NLRP2: variants seen among roughly 807,000 people sequenced by gnomAD.
The protein encoded by NLRP2 is NLR family pyrin domain containing 2.
A neutral mutation model predicts 97.2 loss-of-function variants in NLRP2; 107 were observed. The ratio of observed to expected loss-of-function variants is 1.10; its 90% CI spans 0.94 to 1.29. The LOEUF (loss-of-function observed/expected upper bound fraction) is 1.29. Ranked by LOEUF, NLRP2 falls within the 50% of genes most tolerant of loss-of-function variation. The probability of loss-of-function intolerance (pLI) is 0.00; values close to 1 mark genes in which losing one functional copy is unlikely to be tolerated. For missense variants in NLRP2, 1,495 were observed against 1,330.3 expected (o/e 1.12, Z -1.93); for synonymous variants, 663 against 551.5 (o/e 1.20, Z -2.83).
intron 2 of NLRP2, chr19:54,973,883 GT>G (rs1313087647): frequency 3.0e-6 from 2 of 667,384 alleles, no homozygotes; most frequent in Non-Finnish European, 5.6e-6. Flanking sequence ...CCCCCACAAA[GT>G]GACACAAGGC....
At chr19:54,979,978 T>C (rs1426418382) in intron 4 of NLRP2, among the ~76,000 whole-genome samples, 1 of 151,976 alleles carries the variant, frequency 6.6e-6, no homozygotes, top group Non-Finnish European at 1.5e-5. Flanking sequence ...GGTTTCACCG[T>C]GTTAGTCAGG....
intron 10 of NLRP2, chr19:54,993,825 C>A: frequency 3.6e-6 from 1 of 279,766 alleles, no homozygotes; most frequent in Non-Finnish European, 7.0e-6. Context: ...GCCACCGTGC[C>A]AGCTGAGAAT....
chr19:54,981,415 A>T (rs946206411), intron 4 of NLRP2, among the ~76,000 whole-genome samples: 2 of 151,534 alleles, frequency 1.3e-5, no homozygotes, highest in African/African-American at 4.9e-5. Context: ...GATCCACCCC[A>T]CCTCAGCCTC....
intron 2 of NLRP2, among the ~76,000 whole-genome samples, chr19:54,972,405 ACTC>A (rs1331312327): frequency 7.1e-6 from 1 of 140,436 alleles, no homozygotes; most frequent in East Asian, 2.2e-4. Context: ...CTGGTCTTGA[ACTC>A]CTGACCACGT....
intron 10 of NLRP2, chr19:54,991,680 CTGA>C (rs1219147578): frequency 6.6e-6 from 1 of 151,790 alleles, no homozygotes; most frequent in East Asian, 2.0e-4. Flanking sequence ...ACCAGCCTGG[CTGA>C]TGCAGTGAAA....
chr19:54,968,713 T>TTTTTTTTTTTTTTG (rs1454134577), intron 1 of NLRP2, among the ~76,000 whole-genome samples: 1 of 135,666 alleles, frequency 7.4e-6, no homozygotes, highest in Non-Finnish European at 1.6e-5. Context: ...TTTTTTTTTT[T>TTTTTTTTTTTTTTG]GAGACAGTTT....
chr19:54,969,906 A>G, intron 1 of NLRP2, 93 bp from the exon 2 acceptor site: 1 of 1,216,492 alleles, frequency 8.2e-7, no homozygotes, highest in Non-Finnish European at 1.2e-6. Context: ...GTAGATGGTG[A>G]GTGTCCTTGT....
intron 4 of NLRP2, 104 bp from the exon 5 acceptor site, chr19:54,981,513 C>CCT: frequency 1.9e-5 from 5 of 268,624 alleles, no homozygotes; most frequent in Non-Finnish European, 3.3e-5. Flanking sequence ...TCCCGTGCCC[C>CCT]CCCTCCCCCC....
chr19:54,986,533 G>C (rs959213518), intron 8 of NLRP2: 4 of 554,728 alleles, frequency 7.2e-6, no homozygotes, highest in Non-Finnish European at 9.7e-6. Context: ...TGAATCCAAA[G>C]AAACTCCCAG....
chr19:54,984,099 C>A (rs1236204410), intron 6 of NLRP2, among the ~76,000 whole-genome samples: 4 of 144,666 alleles, frequency 2.8e-5, no homozygotes, highest in Non-Finnish European at 3.2e-5. Context: ...GGTGATCCAC[C>A]TGCCTCAGCC....
chr19:54,972,497 CGG>C (rs2070928332), intron 2 of NLRP2, among the ~76,000 whole-genome samples: 1 of 151,700 alleles, frequency 6.6e-6, no homozygotes, highest in Non-Finnish European at 1.5e-5. Context: ...TTTTTTGAAA[CGG>C]GGTCTCGTTT....
chr19:55,000,722 T>G (rs761605094), intron 12 of NLRP2, 38 bp from the exon 13 acceptor site: 1 of 1,609,926 alleles, frequency 6.2e-7, no homozygotes, highest in Admixed American at 1.7e-5. Context: ...ATCTCCTTGA[T>G]GCACAAAGTA....
chr19:54,982,313 C>A lies in NLRP2; in HGVS notation c.615C>A (p.Phe205Leu). ...ACCCCAGGGTGCTTCCCGGGCCCTT[C>A]TCATACACGGTGGTGCTGTATGGTC... ...FSNPRVLPGP[F>L]SYTVVLYGPA... is the part of the protein sequence containing the mutation. The change falls in exon 6 of 13, where the codon TTC becomes TTA. Residue 205 changes from phenylalanine (F) to leucine (L), a missense_variant. Transcript: ENST00000448584. The A allele has an allele frequency of 6.2e-7, 1 of 1,614,138 alleles. No individual in the cohort carries two copies. Among genetic ancestry groups the A allele is most frequent in the Non-Finnish European group, 8.5e-7 (1 of 1,180,028 alleles).
At chr19:55,000,449 T>G (rs1050417660) in intron 12 of NLRP2, among the ~76,000 whole-genome samples, 16 of 151,350 alleles carry the variant, frequency 1.1e-4, no homozygotes, top group Non-Finnish European at 2.4e-4. Context: ...GCTAATTTTT[T>G]GTATTTTTTT....
At chr19:54,992,728 T>A (rs995031272) in intron 10 of NLRP2, among the ~76,000 whole-genome samples, 1 of 151,596 alleles carries the variant, frequency 6.6e-6, no homozygotes, top group Non-Finnish European at 1.5e-5. Context: ...CCAGCTAACT[T>A]CTTTATTTTT....
At chr19:54,998,614 T>TC (rs1282650612) in intron 12 of NLRP2, among the ~76,000 whole-genome samples, 2 of 105,506 alleles carry the variant, frequency 1.9e-5, no homozygotes, top group African/African-American at 3.8e-5. Flanking sequence ...CTTTTTTCTT[T>TC]TTTTTTTTTT....
chr19:54,990,447 G>C (rs753566543), intron 9 of NLRP2, 55 bp from the exon 10 acceptor site: 7 of 1,575,868 alleles, frequency 4.4e-6, no homozygotes, highest in Non-Finnish European at 6.1e-6. Context: ...GGAGCTAGCC[G>C]GGAAGGTTGA....
In NLRP2 at chr19:54,997,390, G is replaced by A. The variant is rs749548696; in HGVS notation, c.2953G>A (p.Val985Ile). 52 of 1,614,040 alleles carry A rather than the reference G, an allele frequency of 3.2e-5. No homozygotes were observed. The highest frequency in any genetic ancestry group is 5.3e-5 in the African/African-American group (4 of 74,932). Residue 985 changes from valine (V) to isoleucine (I), a missense_variant, in exon 12 of 13, where the codon GTC becomes ATC. Physicochemically the swap from Val to Ile is conservative, Grantham distance 29. Coordinates refer to ENST00000448584, the MANE Select transcript of NLRP2 (RefSeq NM_017852.5). The part of the protein sequence containing the change: ...CSALSCNQSL[V>I]TLDLGQNPLG... ...TGCCCTCAGCTGCAACCAGAGCCTC[G>A]TCACTCTGGACCTGGGTCAGAATCC...
chr19:54,982,978 G>A lies in NLRP2; in HGVS notation c.1280G>A (p.Gly427Glu). 5 of 1,611,276 alleles carry A rather than the reference G, an allele frequency of 3.1e-6. No individual in the cohort carries two copies. Among genetic ancestry groups the A allele is most frequent in the African/African-American group, 1.3e-5 (1 of 74,992 alleles). Residue 427 changes from glycine to glutamate, a missense_variant, in exon 6 of 13, where the codon GGG becomes GAG. Coordinates refer to ENST00000448584, the MANE Select transcript of NLRP2 (RefSeq NM_017852.5). ...GTCCCCACCTGCCTCACCCGCACGG[G>A]GCTGTTCCTGCGTTTCCTCTGCAGC... ...DPVPTCLTRT[G>E]LFLRFLCSRF...
Sources: allele counts gnomAD v4.1 joint callset (sites outside exome capture counted in the v4.1 genomes callset), GRCh38; gene constraint gnomAD v4.1.1; transcripts MANE v1.5; gene names NCBI Gene and HGNC (gene_info 2026-07-23, HGNC 2026-07-21).